ADCY1: variants seen among roughly 807,000 people sequenced by gnomAD.
ADCY1 encodes adenylate cyclase 1, also known as adenylate cyclase type 1.
A neutral mutation model predicts 105.4 loss-of-function variants in ADCY1; 28 were observed. The observed-to-expected ratio is 0.27, with a 90% CI of 0.20 to 0.36. ADCY1 has a LOEUF of 0.36. Among genes scored for constraint, ADCY1 ranks in the 10% least tolerant of loss-of-function variants. The probability of loss-of-function intolerance (pLI) is 1.00; values close to 1 mark genes in which losing one functional copy is unlikely to be tolerated. For missense variants in ADCY1, 977 were observed against 1,434.2 expected, an observed-to-expected ratio of 0.68 and a Z score of 5.15; for synonymous variants, 655 against 623.8, an observed-to-expected ratio of 1.05 and a Z score of -0.75.
intron 2 of ADCY1, among the ~76,000 whole-genome samples, chr7:45,602,608 G>C (rs1793268913): frequency 6.6e-6 from 1 of 152,198 alleles, no homozygotes; most frequent in African/African-American, 2.4e-5. Context: ...CCATTTAAGT[G>C]ATGCAGTATG....
intron 17 of ADCY1, among the ~76,000 whole-genome samples, chr7:45,705,782 C>T (rs748802328): frequency 2.6e-5 from 4 of 151,982 alleles, no homozygotes; most frequent in Admixed American, 6.6e-5. Context: ...CATGACTATA[C>T]GTAGAAAATG....
chr7:45,703,868 C>G lies in ADCY1; in HGVS notation c.2718+122C>G. ...AGCTGGAATGAGAGAAAGCAAATCC[C>G]GGGAAGCACAGGCATTCTGTCTCCT... On this transcript the variant is annotated intron_variant, in intron 16 of 19. Coordinates refer to ENST00000297323, the MANE Select transcript of ADCY1 (RefSeq NM_021116.4). The surrounding 1 kb of genome is among the most constrained non-coding windows in gnomAD (Gnocchi z 5.9). 1 of 1,371,912 alleles carries G rather than the reference C, an allele frequency of 7.3e-7. No homozygotes were observed. The highest frequency in any genetic ancestry group is 2.4e-5 in the East Asian group (1 of 42,338). The allele number at this position is 1,371,912 out of a possible 1,614,324, so 85.0% of individuals were successfully genotyped here.
intron 8 of ADCY1, among the ~76,000 whole-genome samples, chr7:45,669,342 T>C (rs1472437990): frequency 1.3e-5 from 2 of 152,236 alleles, no homozygotes; most frequent in Admixed American, 1.3e-4. Flanking sequence ...TTTGTTCTCG[T>C]TGGTTTCAAA....
Position 45,591,455 on chromosome 7 carries a change from A to G in ADCY1, c.640-1304A>G, listed in dbSNP as rs566958957. The stretch of plus-strand genomic sequence containing the variant: ...TTGTTTTTGATTTTAGTTCTGTTTC[A>G]TAGTGTGCAGCACACATTCACATGT... On this transcript the variant is annotated intron_variant, in intron 1 of 19. Coordinates refer to ENST00000297323, the MANE Select transcript of ADCY1 (RefSeq NM_021116.4). The surrounding 1 kb of genome is among the most constrained non-coding windows in gnomAD (Gnocchi z 4.1). Among the ~76,000 whole-genome samples the G allele has an allele frequency of 1.2e-4, 18 of 152,326 alleles. No individual in the cohort carries two copies. The highest frequency in any genetic ancestry group is 5.2e-4 in the Admixed American group (8 of 15,306).
chr7:45,592,964 G>A, intron 2 of ADCY1, 56 bp downstream of exon 2: 1 of 1,598,620 alleles, frequency 6.3e-7, no homozygotes, highest in Non-Finnish European at 8.5e-7. Context: ...TGGGGAGGTG[G>A]AAGAAGCTGG....
rs745502358 is a variant in ADCY1, at chr7:45,686,057, C to T, written c.2169C>T (p.Pro723=). ...AGCGCACAGCCCTGCCCACCCTGCC[C>T]TGCGAGTCTACACACCATGCCCTGC... The part of the protein sequence containing the change: ...GGQRTALPTL[P]CESTHHALLC... The change falls in exon 13 of 20, where the codon CCC becomes CCT. Residue 723 remains proline (P), a synonymous_variant. Transcript: ENST00000297323. The surrounding 1 kb of genome is among the most constrained non-coding windows in gnomAD (Gnocchi z 4.3). The T allele has an allele frequency of 1.2e-6, 2 of 1,611,488 alleles. No homozygotes were observed. Among genetic ancestry groups the T allele is most frequent in the Non-Finnish European group, 1.7e-6 (2 of 1,179,088 alleles).
chr7:45,697,682 G>A (rs1181314603), intron 14 of ADCY1, among the ~76,000 whole-genome samples: 5 of 152,132 alleles, frequency 3.3e-5, no homozygotes, highest in South Asian at 4.1e-4. Context: ...AAGCCACTGC[G>A]CCCAGCCCTC....
At chr7:45,628,292 A>C (rs1216117102) in intron 4 of ADCY1, among the ~76,000 whole-genome samples, 1 of 152,164 alleles carries the variant, frequency 6.6e-6, no homozygotes, top group Non-Finnish European at 1.5e-5. Flanking sequence ...CTCACACCCC[A>C]ACCTTCCAGC....
intron 4 of ADCY1, among the ~76,000 whole-genome samples, chr7:45,635,119 A>G (rs1262577993): frequency 6.7e-6 from 1 of 150,040 alleles, no homozygotes; most frequent in Non-Finnish European, 1.5e-5. Context: ...AATTTCTTTA[A>G]ATAGAGCTAG....
At chr7:45,595,766 T>C (rs905016831) in intron 2 of ADCY1, among the ~76,000 whole-genome samples, 3 of 152,280 alleles carry the variant, frequency 2.0e-5, no homozygotes, top group African/African-American at 7.2e-5. Flanking sequence ...TTTTGACACA[T>C]GAGCGCTGAT....
chr7:45,640,580 C>G (rs1250601751), intron 4 of ADCY1, among the ~76,000 whole-genome samples: 1 of 152,140 alleles, frequency 6.6e-6, no homozygotes, highest in East Asian at 1.9e-4. Flanking sequence ...GTGTGACTTC[C>G]TTCAGGCCCT....
intron 1 of ADCY1, among the ~76,000 whole-genome samples, chr7:45,584,578 C>G (rs1163065591): frequency 1.3e-5 from 2 of 152,260 alleles, no homozygotes; most frequent in Non-Finnish European, 2.9e-5. Context: ...CCTCCTGTCC[C>G]TGGACATGGT....
At chr7:45,614,123 T>C (rs895765828) in intron 3 of ADCY1, among the ~76,000 whole-genome samples, 2 of 152,210 alleles carry the variant, frequency 1.3e-5, no homozygotes, top group African/African-American at 4.8e-5. Flanking sequence ...AATACTGTAT[T>C]ACTGTAATTG....
chr7:45,701,775 A>G (rs1056460989), intron 14 of ADCY1, among the ~76,000 whole-genome samples: 1 of 152,144 alleles, frequency 6.6e-6, no homozygotes, highest in African/African-American at 2.4e-5. Context: ...ACCTTTGAGC[A>G]TGACCCAGAG....
At chr7:45,587,918 T>C (rs558687945) in intron 1 of ADCY1, among the ~76,000 whole-genome samples, 33 of 152,316 alleles carry the variant, frequency 2.2e-4, no homozygotes, top group African/African-American at 7.9e-4. Flanking sequence ...AAAGGTTTTC[T>C]CTTTACTTTT....
At chr7:45,577,495 G>A (rs535601658) in intron 1 of ADCY1, among the ~76,000 whole-genome samples, 1 of 152,196 alleles carries the variant, frequency 6.6e-6, no homozygotes, top group Non-Finnish European at 1.5e-5. Flanking sequence ...GAAGAAGACA[G>A]CACACGCATT....
intron 19 of ADCY1, among the ~76,000 whole-genome samples, chr7:45,711,644 T>TATACAC (rs1189707139): frequency 0.011 from 567 of 51,042 alleles, 8 homozygotes; most frequent in Non-Finnish European, 0.015. Flanking sequence ...TATATATATA[T>TATACAC]ACACACACAC....
Position 45,710,448 on chromosome 7 carries a change from A to G in ADCY1, c.2933-80A>G, listed in dbSNP as rs1785203771. 6.4e-7 allele frequency: 1 copy of G among 1,558,290 alleles called. No individual in the cohort carries two copies. Among genetic ancestry groups the G allele is most frequent in the Non-Finnish European group, 8.7e-7 (1 of 1,148,716 alleles). ...CAGCCTTTTCTCCACCAGGAGCAGC[A>G]TCAGGTGCATTTGGTGGCCCTGGTG... is the stretch of plus-strand genomic sequence containing the variant. On this transcript the variant is annotated intron_variant, in intron 18 of 19. Coordinates refer to ENST00000297323, the MANE Select transcript of ADCY1 (RefSeq NM_021116.4). This position sits in a 1 kb window ranked among gnomAD's most constrained non-coding sequence, Gnocchi z 4.7.
chr7:45,616,702 A>G (rs376310112), intron 3 of ADCY1, among the ~76,000 whole-genome samples: 49 of 152,356 alleles, frequency 3.2e-4, no homozygotes, highest in African/African-American at 1.1e-3. Flanking sequence ...GCCCACAGCT[A>G]TGATCATACT....
Sources: gnomAD v4.1 joint callset for allele counts (sites outside exome capture counted in the v4.1 genomes callset) on GRCh38, gnomAD v4.1.1 for gene constraint, Gnocchi (gnomAD v3.1) non-coding constraint, MANE v1.5 for transcripts, NCBI Gene and HGNC (gene_info 2026-07-23, HGNC 2026-07-21) for gene names.